KIAA1958: variants seen among roughly 807,000 people sequenced by gnomAD.
KIAA1958 encodes the protein uncharacterized protein KIAA1958.
A neutral mutation model predicts 47.2 loss-of-function variants in KIAA1958; 14 were observed. The observed-to-expected ratio is 0.30, with a 90% CI of 0.20 to 0.46. The LOEUF (loss-of-function observed/expected upper bound fraction) is 0.46, where lower values mean the gene tolerates loss of function less well. Ranked by LOEUF, KIAA1958 falls within the 20% of genes least tolerant of loss-of-function variation. The probability of loss-of-function intolerance (pLI) is 1.00; values close to 1 mark genes in which losing one functional copy is unlikely to be tolerated. For missense variants in KIAA1958, 803 were observed against 909.2 expected, an observed-to-expected ratio of 0.88 and a Z score of 1.50; for synonymous variants, 354 against 353.3, an observed-to-expected ratio of 1.00 and a Z score of -0.02.
At position 112,663,151 on chromosome 9, in the gene KIAA1958, G is replaced by A. The variant is rs1289693758; in HGVS notation, c.*3082G>A. On this transcript the variant is annotated 3_prime_UTR_variant, in exon 4 of 4. Transcript: ENST00000337530. ...AGGCTGGTGGTACTGTAGGTGTTAT[G>A]AGAGGACCCATAGGGTGTCCTTCAG... 1 of 152,192 alleles carries A rather than the reference G, an allele frequency of 6.6e-6. No individual in the cohort carries two copies. The highest frequency in any genetic ancestry group is 2.4e-5 in the African/African-American group (1 of 41,456). The allele number at this position is 152,192 out of a possible 1,614,324, so 9.4% of individuals were successfully genotyped here.
intron 1 of KIAA1958, among the ~76,000 whole-genome samples, chr9:112,539,537 A>G (rs1424739255): frequency 6.6e-6 from 1 of 152,148 alleles, no homozygotes; most frequent in Non-Finnish European, 1.5e-5. Flanking sequence ...GGGAGGGGGT[A>G]ATTAGGTATA....
intron 1 of KIAA1958, among the ~76,000 whole-genome samples, chr9:112,557,132 C>T (rs189944974): frequency 2.0e-5 from 3 of 150,636 alleles, no homozygotes; most frequent in Admixed American, 1.3e-4. Flanking sequence ...CTAATTTTTC[C>T]AGTCTTTTGT....
At chr9:112,498,555 G>GT (rs75094000) in intron 1 of KIAA1958, among the ~76,000 whole-genome samples, 19,025 of 152,032 alleles carry the variant, frequency 0.13, 1,703 homozygotes, top group East Asian at 0.23. Context: ...TTCTTTTAAA[G>GT]TTTTTTTATG....
intron 1 of KIAA1958, among the ~76,000 whole-genome samples, chr9:112,509,481 GGGAAACACTGAAGGTGTCCAAATGA>G (rs1424677919): frequency 3.3e-5 from 5 of 152,292 alleles, no homozygotes; most frequent in African/African-American, 1.2e-4. Flanking sequence ...TTCTTAATGG[GGGAAACACTGAAGGTGTCCAAATGA>G]GGAAACACTG....
chr9:112,561,848 C>G (rs1588018714), intron 1 of KIAA1958, among the ~76,000 whole-genome samples: 1 of 152,156 alleles, frequency 6.6e-6, no homozygotes, highest in East Asian at 1.9e-4. Flanking sequence ...GAGTGACACT[C>G]TGTCTCAAAC....
chr9:112,633,148 A>G (rs960401245), intron 2 of KIAA1958, among the ~76,000 whole-genome samples: 5 of 151,484 alleles, frequency 3.3e-5, no homozygotes, highest in African/African-American at 1.2e-4. Context: ...TCTATTTCTT[A>G]CAAATACTAA....
At position 112,668,036 on chromosome 9, in the gene KIAA1958, G is replaced by C. The variant is rs2131261504; in HGVS notation, c.*7967G>C. 1 of 63,768 alleles carries C rather than the reference G, an allele frequency of 1.6e-5. No homozygotes were observed. Among genetic ancestry groups the C allele is most frequent in the East Asian group, 7.9e-4 (1 of 1,270 alleles). 4.0% of individuals were successfully genotyped at this position (63,768 alleles called of 1,614,324 possible). A position where few individuals can be genotyped will look rare whatever the true frequency, so the allele number is the denominator to read the frequency against. On this transcript the variant is annotated 3_prime_UTR_variant, in exon 4 of 4. Transcript: ENST00000337530. ...AAGGTGTAATAAATGCCATACCACA[G>C]CATCATGTTTCTTCATTTTTATTAC...
At chr9:112,554,515 A>ATAG (rs1835208882) in intron 1 of KIAA1958, among the ~76,000 whole-genome samples, 1 of 151,574 alleles carries the variant, frequency 6.6e-6, no homozygotes. Flanking sequence ...AATAATAATA[A>ATAG]TAATTAGAAT....
At chr9:112,493,049 G>T (rs974357211) in intron 1 of KIAA1958, among the ~76,000 whole-genome samples, 1 of 151,812 alleles carries the variant, frequency 6.6e-6, no homozygotes, top group African/African-American at 2.4e-5. Context: ...ACTGTGCCTG[G>T]CCAAAATTCT....
Position 112,618,109 on chromosome 9 carries a change from T to A in KIAA1958, c.1172-27541T>A. 1 of 1,550,566 alleles carries A rather than the reference T, an allele frequency of 6.4e-7. No individual in the cohort carries two copies. The highest frequency in any genetic ancestry group is 8.7e-7 in the Non-Finnish European group (1 of 1,146,990). ...CCAACAGCTTGGCCAATTACCAGTG[T>A]GGGCTCGAAAGGTACCTGAAAGAAC... On this transcript the variant is annotated intron_variant, in intron 2 of 3. Coordinates refer to ENST00000337530, the MANE Select transcript of KIAA1958 (RefSeq NM_133465.4). This position sits in a 1 kb window ranked among gnomAD's most constrained non-coding sequence, Gnocchi z 7.1.
Position 112,659,398 on chromosome 9 carries a change from G to A in KIAA1958, c.1480G>A (p.Val494Ile), listed in dbSNP as rs750877892. 2 of 1,614,192 alleles carry A rather than the reference G, an allele frequency of 1.2e-6. No homozygotes were observed. The highest frequency in any genetic ancestry group is 8.5e-7 in the Non-Finnish European group (1 of 1,180,030). Residue 494 changes from valine to isoleucine, a missense_variant, in exon 4 of 4, where the codon GTC becomes ATC. Physicochemically the swap from Val to Ile is conservative, Grantham distance 29. Around this residue, in one of 2 missense-constraint regions of KIAA1958, gnomAD observed 761 missense variants for 829.3 expected, o/e 0.92. Coordinates refer to ENST00000337530, the MANE Select transcript of KIAA1958 (RefSeq NM_133465.4). ...GGACCGCATCCTGAAGAATGCAGGT[G>A]TCGGCTTTTCCATCACCAGCAGCAC... ...GLDRILKNAGVGFSITSSTFS... is the reference protein window; with the variant it reads ...GLDRILKNAGIGFSITSSTFS...
In KIAA1958 at chr9:112,654,693, C is replaced by CAA. The variant is rs35961310; in HGVS notation, c.1345-4553_1345-4552dup. Among the ~76,000 whole-genome samples the CAA allele has an allele frequency of 4.9e-4, 55 of 111,802 alleles. 1 individual carries two copies. The highest frequency in any genetic ancestry group is 1.3e-3 in the African/African-American group (45 of 34,048). The allele number at this position is 111,802 out of a possible 152,430, so 73.3% of individuals were successfully genotyped here. A position where few individuals can be genotyped will look rare whatever the true frequency, so the allele number is the denominator to read the frequency against. ...AGTTGCAAGTGACAACATAAAAATC[C>CAA]AAAAAAAAAAAAAAAAAATCCAAAG... On this transcript the variant is annotated intron_variant, in intron 3 of 3. Transcript: ENST00000337530.
chr9:112,503,331 A>G (rs372831229), intron 1 of KIAA1958, among the ~76,000 whole-genome samples: 1 of 152,098 alleles, frequency 6.6e-6, no homozygotes, highest in African/African-American at 2.4e-5. Context: ...TCAGTTGGAA[A>G]TGTGCCCTGA....
intron 1 of KIAA1958, among the ~76,000 whole-genome samples, chr9:112,548,090 A>G (rs1835074935): frequency 6.8e-6 from 1 of 146,250 alleles, no homozygotes. Flanking sequence ...TGCAGCCTCA[A>G]CCTCCTGGGC....
chr9:112,547,895 G>T (rs1245976037), intron 1 of KIAA1958, among the ~76,000 whole-genome samples: 1 of 151,808 alleles, frequency 6.6e-6, no homozygotes, highest in African/African-American at 2.4e-5. Context: ...AAAACCTTGG[G>T]CTTCAGGACC....
intron 2 of KIAA1958, among the ~76,000 whole-genome samples, chr9:112,610,295 C>T (rs1013188478): frequency 4.0e-5 from 6 of 151,500 alleles, no homozygotes. Context: ...AGAAATTAAG[C>T]ATCCAATTCA....
intron 3 of KIAA1958, among the ~76,000 whole-genome samples, chr9:112,655,257 A>C (rs1294110283): frequency 5.9e-5 from 9 of 152,184 alleles, no homozygotes; most frequent in Admixed American, 1.3e-4. Flanking sequence ...ATTATATTAA[A>C]ATATTTATGA....
intron 2 of KIAA1958, among the ~76,000 whole-genome samples, chr9:112,643,572 C>A (rs543838020): frequency 6.6e-6 from 1 of 152,332 alleles, no homozygotes; most frequent in African/African-American, 2.4e-5. Flanking sequence ...AGTCTACCTA[C>A]AAGACACAGT....
chr9:112,603,065 TTTG>T (rs1312787324), intron 2 of KIAA1958, among the ~76,000 whole-genome samples: 1 of 152,140 alleles, frequency 6.6e-6, no homozygotes, highest in East Asian at 1.9e-4. Context: ...CCTCAGCTCT[TTTG>T]GAGCTCATGG....
Sources: allele counts gnomAD v4.1 joint callset (sites outside exome capture counted in the v4.1 genomes callset), GRCh38; gene constraint gnomAD v4.1.1; regional missense constraint gnomAD v4.1.1; non-coding constraint Gnocchi (gnomAD v3.1); transcripts MANE v1.5; gene names NCBI Gene and HGNC (gene_info 2026-07-23, HGNC 2026-07-21).